Variants in UPRT observed in about 807,000 individuals in gnomAD.
UPRT encodes RP11-311P8.3.
In UPRT, 5 loss-of-function variants were observed where a neutral mutation model predicts 22.6. That is an observed-to-expected ratio of 0.22 (90% CI 0.12 to 0.47). UPRT has a LOEUF of 0.47. UPRT is among the 20% of genes least tolerant of loss of function. UPRT has a pLI of 0.99. For synonymous variants in UPRT, 77 were observed against 87.7 expected, an observed-to-expected ratio of 0.88 and a Z score of 0.68; for missense variants, 181 against 239.9, an observed-to-expected ratio of 0.75 and a Z score of 1.62.
chrX:75,266,891 C>A (rs2082590641), intron 4 of UPRT, among the ~76,000 whole-genome samples: 1 of 111,499 alleles, frequency 9.0e-6, no homozygotes, highest in Non-Finnish European at 1.9e-5. Context: ...CAGTGAGATA[C>A]CATCTCACAC....
intron 4 of UPRT, among the ~76,000 whole-genome samples, chrX:75,236,905 A>G (rs1022936085): frequency 3.6e-5 from 4 of 112,563 alleles, no homozygotes; most frequent in Non-Finnish European, 7.5e-5. Flanking sequence ...CTTCATGTCT[A>G]AAACACCAAA....
chrX:75,198,118 T>TA (rs773479342), intron 4 of UPRT, among the ~76,000 whole-genome samples: 2 of 112,693 alleles, frequency 1.8e-5, no homozygotes, highest in African/African-American at 3.2e-5. Flanking sequence ...ATAAACTGCA[T>TA]AAAAAAATTG....
At chrX:75,184,121 T>A (rs1027354800) in intron 4 of UPRT, among the ~76,000 whole-genome samples, 3 of 111,680 alleles carry the variant, frequency 2.7e-5, no homozygotes, top group Non-Finnish European at 5.7e-5. Context: ...TGAATGATAA[T>A]GCCTAGGTTT....
At chrX:75,214,350 T>A (rs767679886) in intron 4 of UPRT, among the ~76,000 whole-genome samples, 1 of 112,575 alleles carries the variant, frequency 8.9e-6, no homozygotes, top group Non-Finnish European at 1.9e-5. Context: ...CTGCCATTTG[T>A]GAAATATGGA....
intron 4 of UPRT, among the ~76,000 whole-genome samples, chrX:75,190,756 C>A (rs1450917094): frequency 8.9e-6 from 1 of 112,125 alleles, no homozygotes; most frequent in African/African-American, 3.2e-5. Flanking sequence ...ACCCTTTCTT[C>A]CAGTTGATTG....
chrX:75,300,907 A>G lies in UPRT; in HGVS notation c.765A>G (p.Ile255Met). Reference protein sequence around the residue: ...NTVIEAVKVLIEHGVQPSVII... With the variant: ...NTVIEAVKVLMEHGVQPSVII... ...TAATTGAAGCTGTAAAGGTTCTTAT[A>G]GAACATGGAGTTCAACCCAGTGTTA... Residue 255 changes from isoleucine (I) to methionine (M), a missense_variant, in exon 6 of 7, where the codon ATA becomes ATG. This residue lies in a region of UPRT where 70 missense variants were observed against 137.0 expected (regional missense o/e 0.51). Transcript: ENST00000373383. 1.7e-6 allele frequency: 2 copies of G among 1,210,362 alleles called. No homozygotes were observed. The highest frequency in any genetic ancestry group is 2.2e-6 in the Non-Finnish European group (2 of 894,676).
chrX:75,265,576 T>G (rs763308891), intron 4 of UPRT, among the ~76,000 whole-genome samples: 1 of 111,805 alleles, frequency 8.9e-6, no homozygotes, highest in African/African-American at 3.2e-5. Context: ...TAGTTATCCA[T>G]TTGTCTAATC....
intron 4 of UPRT, among the ~76,000 whole-genome samples, chrX:75,200,503 A>T (rs975379425): frequency 1.8e-5 from 2 of 112,348 alleles, no homozygotes; most frequent in African/African-American, 6.5e-5. Flanking sequence ...CTGAGGCATG[A>T]GAATCACTTG....
At chrX:75,283,714 C>T (rs931236888) in intron 1 of UPRT, among the ~76,000 whole-genome samples, 4 of 111,429 alleles carry the variant, frequency 3.6e-5, no homozygotes, top group African/African-American at 1.3e-4. Context: ...TTTTGTCTCA[C>T]AGCTCTTAAG....
intron 4 of UPRT, among the ~76,000 whole-genome samples, chrX:75,221,308 G>T (rs2082409863): frequency 9.1e-6 from 1 of 110,215 alleles, no homozygotes; most frequent in Non-Finnish European, 1.9e-5. Flanking sequence ...TATTCTTTGG[G>T]TTAAATCTGC....
chrX:75,182,414 T>A (rs1014940721), intron 4 of UPRT, among the ~76,000 whole-genome samples: 4 of 111,895 alleles, frequency 3.6e-5, no homozygotes, highest in African/African-American at 1.3e-4. Flanking sequence ...TTCTTTGGAA[T>A]AGTTTTAGTT....
intron 4 of UPRT, among the ~76,000 whole-genome samples, chrX:75,172,757 C>T (rs895006287): frequency 6.4e-5 from 7 of 108,555 alleles, no homozygotes; most frequent in Admixed American, 3.0e-4. Context: ...CTTAAGGCAG[C>T]GCGTTTGGAG....
intron 4 of UPRT, among the ~76,000 whole-genome samples, chrX:75,179,215 A>G (rs2082260853): frequency 9.0e-6 from 1 of 111,346 alleles, no homozygotes; most frequent in East Asian, 2.8e-4. Flanking sequence ...CAGAGTGTCG[A>G]TTGGTGCACT....
chrX:75,275,841 C>G, intron 1 of UPRT, among the ~76,000 whole-genome samples: 1 of 111,234 alleles, frequency 9.0e-6, no homozygotes, highest in East Asian at 2.8e-4. Context: ...TCCTGAGTAG[C>G]TGGGACTACA....
At chrX:75,182,895 T>C (rs2082275611) in intron 4 of UPRT, among the ~76,000 whole-genome samples, 1 of 111,266 alleles carries the variant, frequency 9.0e-6, no homozygotes, top group Non-Finnish European at 1.9e-5. Context: ...AGCTTTGATA[T>C]TGGTTTGCTC....
At position 75,304,582 on chromosome X, in the gene UPRT, T is replaced by C. The variant is rs910527066; in HGVS notation, c.*1071T>C. 3.6e-5 allele frequency: 4 copies of C among 111,491 alleles called. No homozygotes were observed. Among genetic ancestry groups the C allele is most frequent in the Non-Finnish European group, 5.6e-5 (3 of 53,157 alleles). 9.2% of individuals were successfully genotyped at this position (111,491 alleles called of 1,213,427 possible). On this transcript the variant is annotated 3_prime_UTR_variant, in exon 7 of 7. Coordinates refer to ENST00000373383, the MANE Select transcript of UPRT (RefSeq NM_145052.4). ...ACTCTCATCTCATTTTACATTGATATTAAAACATTTTAACAGTGTTGGCTA... is the reference window on the plus strand; with the variant it reads ...ACTCTCATCTCATTTTACATTGATACTAAAACATTTTAACAGTGTTGGCTA...
At chrX:75,236,042 G>C (rs899873642) in intron 4 of UPRT, among the ~76,000 whole-genome samples, 1 of 111,154 alleles carries the variant, frequency 9.0e-6, no homozygotes, top group African/African-American at 3.3e-5. Context: ...TGTATATCTA[G>C]TAAACCCCAT....
intron 4 of UPRT, among the ~76,000 whole-genome samples, chrX:75,218,000 C>G: frequency 9.0e-6 from 1 of 111,484 alleles, no homozygotes; most frequent in Non-Finnish European, 1.9e-5. Flanking sequence ...GTCTAAAACA[C>G]CAAAAGCAAT....
intron 4 of UPRT, among the ~76,000 whole-genome samples, chrX:75,236,276 C>T (rs1192364079): frequency 9.0e-6 from 1 of 111,177 alleles, no homozygotes; most frequent in African/African-American, 3.3e-5. Flanking sequence ...TAACTACAAA[C>T]CACTGCTCAA....
Sources: allele counts gnomAD v4.1 joint callset (sites outside exome capture counted in the v4.1 genomes callset), GRCh38; gene constraint gnomAD v4.1.1; regional missense constraint gnomAD v4.1.1; transcripts MANE v1.5; gene names NCBI Gene and HGNC (gene_info 2026-07-23, HGNC 2026-07-21).